Variants in CCDC146 observed in about 807,000 individuals in gnomAD.
CCDC146 encodes coiled-coil domain-containing protein 146.
A neutral mutation model predicts 119.3 loss-of-function variants in CCDC146; 92 were observed. The ratio of observed to expected loss-of-function variants is 0.77; its 90% confidence interval spans 0.65 to 0.92. The LOEUF is 0.92. Among genes scored for constraint, CCDC146 ranks in the 40% least tolerant of loss-of-function variants. The pLI, the probability that CCDC146 is intolerant of heterozygous loss-of-function variation, is 0.00. For missense variants in CCDC146, 1,000 were observed against 1,103.0 expected (o/e 0.91, Z 1.32); for synonymous variants, 372 against 371.8 (o/e 1.00, Z -0.01).
In CCDC146 at chr7:77,274,552, A is replaced by G. The variant is rs1039630205; in HGVS notation, c.1340A>G (p.Glu447Gly). Residue 447 changes from glutamate (E) to glycine (G), a missense_variant, in exon 11 of 19, where the codon GAG becomes GGG. Transcript: ENST00000285871. ...QLAEENKLLK[E>G]QENMKELVVN... ...GCAGAAGAAAACAAGCTTTTAAAGGAGCAAGAAAACATGAAAGAGCTAGTA... is the reference window on the plus strand; with the variant it reads ...GCAGAAGAAAACAAGCTTTTAAAGGGGCAAGAAAACATGAAAGAGCTAGTA... 6.2e-7 allele frequency: 1 copy of G among 1,612,994 alleles called. No individual in the cohort carries two copies. Among genetic ancestry groups the G allele is most frequent in the African/African-American group, 1.3e-5 (1 of 75,000 alleles).
intron 2 of CCDC146, among the ~76,000 whole-genome samples, chr7:77,182,264 A>T (rs1469704150): frequency 6.6e-6 from 1 of 152,138 alleles, no homozygotes; most frequent in Non-Finnish European, 1.5e-5. Flanking sequence ...TGGGTGGGAG[A>T]GTGATTGAGT....
At chr7:77,149,331 G>T (rs1791072270) in intron 1 of CCDC146, among the ~76,000 whole-genome samples, 1 of 152,158 alleles carries the variant, frequency 6.6e-6, no homozygotes, top group Admixed American at 6.5e-5. Context: ...ATTAACTTAA[G>T]ATGGATTAAA....
At chr7:77,243,155 G>A (rs1349499222) in intron 4 of CCDC146, among the ~76,000 whole-genome samples, 1 of 152,162 alleles carries the variant, frequency 6.6e-6, no homozygotes, top group Non-Finnish European at 1.5e-5. Flanking sequence ...AAGAACATAA[G>A]TCAGTTGATA....
intron 3 of CCDC146, 61 bp from the exon 4 acceptor site, chr7:77,241,630 C>A: frequency 6.9e-7 from 1 of 1,455,798 alleles, no homozygotes; most frequent in Non-Finnish European, 9.6e-7. Context: ...TAGACCCCCA[C>A]AGGAGCCACC....
intron 4 of CCDC146, among the ~76,000 whole-genome samples, chr7:77,250,418 C>T (rs1026253010): frequency 6.6e-6 from 1 of 152,172 alleles, no homozygotes; most frequent in African/African-American, 2.4e-5. Flanking sequence ...CTTTATTTCT[C>T]CTTTACTTTG....
chr7:77,209,254 CAAG>C (rs1792137757), intron 2 of CCDC146, among the ~76,000 whole-genome samples: 1 of 152,168 alleles, frequency 6.6e-6, no homozygotes, highest in Non-Finnish European at 1.5e-5. Flanking sequence ...ACACCCATTC[CAAG>C]AAGCAGAAAT....
intron 4 of CCDC146, among the ~76,000 whole-genome samples, chr7:77,249,482 G>T (rs1463312727): frequency 6.4e-5 from 5 of 78,224 alleles, no homozygotes; most frequent in South Asian, 4.9e-4. Flanking sequence ...TTGAGACTCT[G>T]TCTCAAAAAA....
intron 17 of CCDC146, among the ~76,000 whole-genome samples, chr7:77,291,300 A>G (rs1466984112): frequency 6.6e-6 from 1 of 152,202 alleles, no homozygotes; most frequent in Non-Finnish European, 1.5e-5. Context: ...GACAGCTTAC[A>G]GGAACCCCTA....
chr7:77,242,862 T>G (rs1056480050), intron 4 of CCDC146, among the ~76,000 whole-genome samples: 5 of 151,072 alleles, frequency 3.3e-5, no homozygotes, highest in African/African-American at 1.2e-4. Flanking sequence ...AATCCTCTCT[T>G]TGGGGCCTAT....
chr7:77,258,880 C>T (rs1793233140), intron 6 of CCDC146, 115 bp from the exon 7 acceptor site: 1 of 680,164 alleles, frequency 1.5e-6, no homozygotes, highest in Non-Finnish European at 2.6e-6. Context: ...GCACACAGGG[C>T]AGATGGTAAG....
chr7:77,192,025 C>G (rs1246537823), intron 2 of CCDC146, among the ~76,000 whole-genome samples: 1 of 151,912 alleles, frequency 6.6e-6, no homozygotes, highest in African/African-American at 2.4e-5. Flanking sequence ...CTGCCAGGTT[C>G]AAGCAATTCT....
intron 1 of CCDC146, among the ~76,000 whole-genome samples, chr7:77,134,652 T>C (rs1347064680): frequency 1.3e-5 from 2 of 151,540 alleles, no homozygotes; most frequent in African/African-American, 2.4e-5. Context: ...CTGGGTACTC[T>C]GGTTTCCTAC....
At chr7:77,127,989 T>C (rs1048614246) in intron 1 of CCDC146, among the ~76,000 whole-genome samples, 21 of 152,120 alleles carry the variant, frequency 1.4e-4, no homozygotes, top group Admixed American at 1.2e-3. Context: ...TTCTAGAATA[T>C]TTATTTGGTT....
intron 1 of CCDC146, among the ~76,000 whole-genome samples, chr7:77,134,098 T>C (rs1790826764): frequency 1.3e-5 from 2 of 152,148 alleles, no homozygotes; most frequent in Non-Finnish European, 2.9e-5. Context: ...TTTTGCATCC[T>C]GCAATCTGCA....
At chr7:77,128,809 C>T (rs2539121) in intron 1 of CCDC146, among the ~76,000 whole-genome samples, 1,826 of 152,220 alleles carry the variant, frequency 0.012, 48 homozygotes, top group African/African-American at 0.042. Flanking sequence ...CTCTTTCTCT[C>T]TTTTTCTTGA....
chr7:77,242,465 A>G (rs1373237742), intron 4 of CCDC146: 15 of 812,570 alleles, frequency 1.8e-5, no homozygotes, highest in Non-Finnish European at 2.1e-5. Context: ...TACTTATCCA[A>G]ATTTAGAGGA....
chr7:77,245,620 C>T (rs76159005), intron 4 of CCDC146, among the ~76,000 whole-genome samples: 3,830 of 152,252 alleles, frequency 0.025, 149 homozygotes, highest in East Asian at 0.15. Flanking sequence ...TGACTGTCTA[C>T]TCTCCCGTGG....
intron 15 of CCDC146, 76 bp downstream of exon 15, chr7:77,282,861 T>G (rs1793788211): frequency 1.0e-6 from 1 of 994,654 alleles, no homozygotes; most frequent in African/African-American, 1.6e-5. Flanking sequence ...GGTGAGTTCT[T>G]GCATGTAAAC....
intron 2 of CCDC146, among the ~76,000 whole-genome samples, chr7:77,203,411 A>G (rs1292262117): frequency 6.6e-6 from 1 of 150,674 alleles, no homozygotes; most frequent in Admixed American, 6.6e-5. Flanking sequence ...GAGTGGTGGC[A>G]CATCTAGGTA....
Sources: gnomAD v4.1 joint callset for allele counts (sites outside exome capture counted in the v4.1 genomes callset) on GRCh38, gnomAD v4.1.1 for gene constraint, MANE v1.5 for transcripts, NCBI Gene and HGNC (gene_info 2026-07-23, HGNC 2026-07-21) for gene names.